MYT1L: variants seen among roughly 807,000 people sequenced by gnomAD.
The protein encoded by MYT1L is myelin transcription factor 1-like protein.
MYT1L carries 12 observed loss-of-function variants against 126.7 expected under a neutral mutation model. The ratio of observed to expected loss-of-function variants is 0.09; its 90% CI spans 0.06 to 0.15. The LOEUF is 0.15. Ranked by LOEUF, MYT1L falls within the 10% of genes least tolerant of loss-of-function variation. MYT1L has a pLI of 1.00. For missense variants in MYT1L, 979 were observed against 1,585.2 expected (o/e 0.62, Z 6.49); for synonymous variants, 541 against 604.2 (o/e 0.90, Z 1.53).
In MYT1L at chr2:1,891,228, C is replaced by T. The variant is rs1017967278; in HGVS notation, c.2283+809G>A. On this transcript the variant is annotated intron_variant, in intron 15 of 24. Coordinates refer to ENST00000647738, the MANE Select transcript of MYT1L (RefSeq NM_001303052.2). Reference sequence around the variant, plus strand: ...AGAACCACTGTCAGTGTGGTCCACTCAGGTACATGGCCAGGCAGCGCTACA... The same window carrying T: ...AGAACCACTGTCAGTGTGGTCCACTTAGGTACATGGCCAGGCAGCGCTACA... 7.9e-5 allele frequency among the ~76,000 whole-genome samples: 12 copies of T among 152,326 alleles called. No individual in the cohort carries two copies. The South Asian group carries it at 1.7e-3, about 21-fold the overall frequency.
rs576890958 is a variant in MYT1L at position 1,937,945 on chromosome 2, C to A, written c.505+5037G>T. ...AGACTTTAGAAAAGGAAGACACCTG[C>A]GTGTCACCGGATTTAGCCCCGTGAT... is the stretch of plus-strand genomic sequence containing the variant. On this transcript the variant is annotated intron_variant, in intron 9 of 24. Coordinates refer to ENST00000647738, the MANE Select transcript of MYT1L (RefSeq NM_001303052.2). Among the ~76,000 whole-genome samples the A allele has an allele frequency of 4.6e-5, 7 of 152,300 alleles. No individual in the cohort carries two copies. In the East Asian group the frequency reaches 7.7e-4, roughly 17 times the overall value.
chr2:1,931,229 A>G (rs2054927694), intron 9 of MYT1L, among the ~76,000 whole-genome samples: 1 of 152,226 alleles, frequency 6.6e-6, no homozygotes, highest in Admixed American at 6.5e-5. Context: ...ACAGAGAAGC[A>G]GACACACCTG....
chr2:2,007,153 A>G (rs1460046465), intron 4 of MYT1L, among the ~76,000 whole-genome samples: 1 of 152,054 alleles, frequency 6.6e-6, no homozygotes, highest in Non-Finnish European at 1.5e-5. Context: ...TGGGAGTTGC[A>G]GGCATCCTTA....
intron 8 of MYT1L, among the ~76,000 whole-genome samples, chr2:1,959,029 G>A (rs549801497): frequency 3.9e-5 from 6 of 152,188 alleles, no homozygotes; most frequent in African/African-American, 1.2e-4. Flanking sequence ...AAAAAGAATC[G>A]GTGGGGAGCT....
intron 3 of MYT1L, among the ~76,000 whole-genome samples, chr2:2,129,141 G>C (rs1559093538): frequency 6.6e-6 from 1 of 152,174 alleles, no homozygotes; most frequent in African/African-American, 2.4e-5. Flanking sequence ...CAAACCCAGA[G>C]CAAGACCTTA....
At chr2:2,236,805 CTTCTTCTTCTTT>C (rs1392146292) in intron 2 of MYT1L, among the ~76,000 whole-genome samples, 99 of 8,670 alleles carry the variant, frequency 0.011, no homozygotes, top group South Asian at 0.053. Flanking sequence ...TCTTCTTCTT[CTTCTTCTTCTTT>C]TTTTTTTTTT....
chr2:1,994,248 G>C (rs1325560458), intron 5 of MYT1L, among the ~76,000 whole-genome samples: 1 of 152,172 alleles, frequency 6.6e-6, no homozygotes, highest in Non-Finnish European at 1.5e-5. Context: ...GCCCTCACCA[G>C]GCTCAGCCCT....
intron 1 of MYT1L, among the ~76,000 whole-genome samples, chr2:2,319,967 A>G (rs1045438038): frequency 2.6e-5 from 4 of 152,268 alleles, no homozygotes; most frequent in Non-Finnish European, 5.9e-5. Flanking sequence ...TTTTCTCTTC[A>G]GCATTGACTT....
At chr2:1,992,091 C>T (rs1211293460) in intron 5 of MYT1L, among the ~76,000 whole-genome samples, 1 of 152,196 alleles carries the variant, frequency 6.6e-6, no homozygotes, top group African/African-American at 2.4e-5. Context: ...CACAGTTAGG[C>T]ACTGCTGTCT....
chr2:2,286,413 G>C (rs373890195), intron 1 of MYT1L, among the ~76,000 whole-genome samples: 2 of 152,076 alleles, frequency 1.3e-5, no homozygotes, highest in African/African-American at 4.8e-5. Context: ...AAAATGTGGA[G>C]GGCATCTTAG....
chr2:1,845,929 GACCCTC>G (rs898989746), intron 19 of MYT1L, among the ~76,000 whole-genome samples: 17 of 152,146 alleles, frequency 1.1e-4, no homozygotes, highest in Admixed American at 6.5e-4. Flanking sequence ...ACCTCCTAGA[GACCCTC>G]ACCATCCCTC....
intron 2 of MYT1L, among the ~76,000 whole-genome samples, chr2:2,184,850 C>G (rs1434107551): frequency 6.6e-6 from 1 of 152,192 alleles, no homozygotes; most frequent in African/African-American, 2.4e-5. Flanking sequence ...AGGTTTCCAG[C>G]TACCCAGAAA....
At chr2:1,944,101 C>CT (rs200379283) in intron 8 of MYT1L, among the ~76,000 whole-genome samples, 2,653 of 152,040 alleles carry the variant, frequency 0.017, 61 homozygotes, top group South Asian at 0.097. Flanking sequence ...CAACGATTTT[C>CT]TTTTTTTTAT....
intron 3 of MYT1L, among the ~76,000 whole-genome samples, chr2:2,115,256 A>G (rs1436393899): frequency 3.3e-5 from 5 of 152,220 alleles, no homozygotes; most frequent in African/African-American, 9.6e-5. Context: ...GAGTGCCTCT[A>G]CCAGATGTAA....
At chr2:2,229,550 T>C (rs1011120199) in intron 2 of MYT1L, among the ~76,000 whole-genome samples, 6 of 152,216 alleles carry the variant, frequency 3.9e-5, no homozygotes, top group African/African-American at 1.2e-4. Flanking sequence ...CAAGTGATCC[T>C]CCCACCTCAG....
intron 4 of MYT1L, among the ~76,000 whole-genome samples, chr2:2,047,430 C>T (rs1018848110): frequency 6.6e-5 from 10 of 152,228 alleles, no homozygotes; most frequent in Admixed American, 1.3e-4. Context: ...CTCCTCCTAA[C>T]AAAGTGTACC....
intron 3 of MYT1L, among the ~76,000 whole-genome samples, chr2:2,127,842 T>C (rs570163759): frequency 8.5e-4 from 129 of 152,308 alleles, no homozygotes; most frequent in Admixed American, 4.6e-3. Context: ...CCGAATAATG[T>C]AATCAGAAGA....
intron 18 of MYT1L, among the ~76,000 whole-genome samples, chr2:1,860,864 C>G (rs1275563484): frequency 6.6e-6 from 1 of 152,090 alleles, no homozygotes; most frequent in African/African-American, 2.4e-5. Context: ...GCAAGGGCTA[C>G]TGCCTCGACA....
chr2:2,149,148 T>C lies in MYT1L; in HGVS notation c.-304+23724A>G, dbSNP rs73913220. Among the ~76,000 whole-genome samples the C allele has an allele frequency of 8.7e-3, 1,326 of 152,284 alleles. 18 individuals are homozygous for C. Among genetic ancestry groups the C allele is most frequent in the African/African-American group, 0.027 (1,103 of 41,546 alleles). On this transcript the variant is annotated intron_variant, in intron 3 of 24. Coordinates refer to ENST00000647738, the MANE Select transcript of MYT1L (RefSeq NM_001303052.2). ...CCTTCCTCTCTTTTGTTCTTTTTTCTCTCCCTTGGTTTCTCAATTATGTTC... is the reference window on the plus strand; with the variant it reads ...CCTTCCTCTCTTTTGTTCTTTTTTCCCTCCCTTGGTTTCTCAATTATGTTC...
Sources: allele counts gnomAD v4.1 joint callset (sites outside exome capture counted in the v4.1 genomes callset), GRCh38; gene constraint gnomAD v4.1.1; transcripts MANE v1.5; gene names NCBI Gene and HGNC (gene_info 2026-07-23, HGNC 2026-07-21).